The following UBE2E2 variants were observed in gnomAD, a reference collection of about 807,000 sequenced individuals.
The protein encoded by UBE2E2 is ubiquitin conjugating enzyme E2 E2.
In UBE2E2, 6 loss-of-function variants were observed where a neutral mutation model predicts 24.7. The observed-to-expected ratio is 0.24, with a 90% confidence interval of 0.13 to 0.48. The LOEUF is 0.48. Among genes scored for constraint, UBE2E2 ranks in the 20% least tolerant of loss-of-function variants. The probability of loss-of-function intolerance (pLI) is 0.99; values close to 1 mark genes in which losing one functional copy is unlikely to be tolerated. For missense variants in UBE2E2, 169 were observed against 245.0 expected, an observed-to-expected ratio of 0.69 and a Z score of 2.07; for synonymous variants, 104 against 83.6, an observed-to-expected ratio of 1.24 and a Z score of -1.33.
chr3:23,227,248 T>A (rs529159579), intron 3 of UBE2E2, among the ~76,000 whole-genome samples: 1 of 152,310 alleles, frequency 6.6e-6, no homozygotes, highest in South Asian at 2.1e-4. Context: ...ATTAATTGCA[T>A]TTTGTGTAGA....
chr3:23,354,522 C>A (rs932677892), intron 3 of UBE2E2, among the ~76,000 whole-genome samples: 8 of 152,132 alleles, frequency 5.3e-5, no homozygotes, highest in South Asian at 4.2e-4. Flanking sequence ...CAATGAACTC[C>A]AACAAATTTG....
At chr3:23,254,160 G>A (rs1367792023) in intron 3 of UBE2E2, among the ~76,000 whole-genome samples, 1 of 152,180 alleles carries the variant, frequency 6.6e-6, no homozygotes, top group African/African-American at 2.4e-5. Context: ...ATCTGGTGGT[G>A]GGAATGAATT....
rs141847726 is a variant in UBE2E2, at chr3:23,429,984, A to C, written c.228-69624A>C. ...CAGCCTCTGCCTCCCAGGTTCAAGCAATCCTCCCACCTCAGCCTCCCATGC... is the reference window on the plus strand; with the variant it reads ...CAGCCTCTGCCTCCCAGGTTCAAGCCATCCTCCCACCTCAGCCTCCCATGC... On this transcript the variant is annotated intron_variant, in intron 3 of 5. Coordinates refer to ENST00000396703, the MANE Select transcript of UBE2E2 (RefSeq NM_152653.4). Among the ~76,000 whole-genome samples the C allele has an allele frequency of 6.2e-3, 946 of 152,232 alleles. 6 individuals carry two copies. The highest frequency in any genetic ancestry group is 0.021 in the African/African-American group (866 of 41,540).
In UBE2E2 at chr3:23,256,806, G is replaced by A. The variant is rs544659540; in HGVS notation, c.227+39494G>A. Among the ~76,000 whole-genome samples the A allele has an allele frequency of 5.9e-5, 9 of 152,132 alleles. No homozygotes were observed. The East Asian group carries it at 1.7e-3, about 29-fold the overall frequency. On this transcript the variant is annotated intron_variant, in intron 3 of 5. Transcript: ENST00000396703. Reference sequence around the variant, plus strand: ...TGCATGCGTCCTTGCTCTCACACACGCACATATAAAATCACTTTGTCCTTA... The same window carrying A: ...TGCATGCGTCCTTGCTCTCACACACACACATATAAAATCACTTTGTCCTTA...
At chr3:23,448,537 T>G (rs981951996) in intron 3 of UBE2E2, among the ~76,000 whole-genome samples, 2 of 152,186 alleles carry the variant, frequency 1.3e-5, no homozygotes, top group Admixed American at 6.5e-5. Flanking sequence ...GGGAATGATA[T>G]TAGTTCCTGT....
intron 3 of UBE2E2, among the ~76,000 whole-genome samples, chr3:23,439,681 A>G (rs1575630133): frequency 1.3e-5 from 2 of 152,220 alleles, no homozygotes; most frequent in East Asian, 1.9e-4. Context: ...CCCACATCTT[A>G]TAACAATGGA....
chr3:23,533,221 A>C (rs1431379831), intron 5 of UBE2E2, among the ~76,000 whole-genome samples: 1 of 152,216 alleles, frequency 6.6e-6, no homozygotes, highest in African/African-American at 2.4e-5. Flanking sequence ...TACACCTCCC[A>C]AGAAAACGAA....
rs183345566 is a variant in UBE2E2, at chr3:23,556,392, C to T, written c.508+23691C>T. On this transcript the variant is annotated intron_variant, in intron 5 of 5. Coordinates refer to ENST00000396703, the MANE Select transcript of UBE2E2 (RefSeq NM_152653.4). ...TCTTGACCTCATGATCCACCCGCCTCGACCTCCCAAAGTGCTGGGATTACA... is the reference window on the plus strand; with the variant it reads ...TCTTGACCTCATGATCCACCCGCCTTGACCTCCCAAAGTGCTGGGATTACA... Among the ~76,000 whole-genome samples the T allele has an allele frequency of 8.2e-3, 1,161 of 140,940 alleles. 7 individuals carry two copies. The highest frequency in any genetic ancestry group is 0.02 in the Middle Eastern group (5 of 244). 92.5% of individuals were successfully genotyped at this position (140,940 alleles called of 152,430 possible).
intron 3 of UBE2E2, among the ~76,000 whole-genome samples, chr3:23,277,028 A>G (rs1698388392): frequency 6.6e-6 from 1 of 152,196 alleles, no homozygotes. Context: ...TTTCGTGTAC[A>G]TGCTTCTGAT....
chr3:23,553,186 G>T (rs895119321), intron 5 of UBE2E2, among the ~76,000 whole-genome samples: 13 of 151,954 alleles, frequency 8.6e-5, no homozygotes, highest in Admixed American at 7.9e-4. Flanking sequence ...GATTTTCATT[G>T]TTAATATAGC....
chr3:23,203,552 G>T, intron 1 of UBE2E2, 88 bp downstream of exon 1: 2 of 797,934 alleles, frequency 2.5e-6, no homozygotes, highest in Non-Finnish European at 2.9e-6. Context: ...CCTCCCCTCC[G>T]CGTCGCAGGT....
intron 3 of UBE2E2, among the ~76,000 whole-genome samples, chr3:23,337,263 G>A (rs1695237595): frequency 6.6e-6 from 1 of 152,120 alleles, no homozygotes; most frequent in African/African-American, 2.4e-5. Context: ...TATAGAAAGT[G>A]TAGTTTCTAT....
At chr3:23,371,805 A>T (rs933601947) in intron 3 of UBE2E2, among the ~76,000 whole-genome samples, 1 of 152,116 alleles carries the variant, frequency 6.6e-6, no homozygotes, top group Non-Finnish European at 1.5e-5. Flanking sequence ...TGCTGATTAC[A>T]TGGGTGTATT....
chr3:23,261,713 T>C (rs917334228), intron 3 of UBE2E2, among the ~76,000 whole-genome samples: 1 of 152,222 alleles, frequency 6.6e-6, no homozygotes, highest in African/African-American at 2.4e-5. Context: ...AGTGAAATCA[T>C]ACAGCATTTG....
intron 3 of UBE2E2, among the ~76,000 whole-genome samples, chr3:23,297,480 T>G (rs569794647): frequency 5.6e-4 from 86 of 152,308 alleles, no homozygotes; most frequent in African/African-American, 2.0e-3. Flanking sequence ...TTGAATTAAT[T>G]TTTGTATAAG....
intron 3 of UBE2E2, among the ~76,000 whole-genome samples, chr3:23,478,197 T>G (rs766989161): frequency 3.3e-5 from 5 of 152,242 alleles, no homozygotes; most frequent in Admixed American, 6.5e-5. Flanking sequence ...ATTTATTATG[T>G]GGCAGACATC....
At chr3:23,293,080 A>G (rs940515746) in intron 3 of UBE2E2, among the ~76,000 whole-genome samples, 1 of 152,262 alleles carries the variant, frequency 6.6e-6, no homozygotes, top group Non-Finnish European at 1.5e-5. Flanking sequence ...TCTCAAAAAA[A>G]TCAGGATAAT....
At chr3:23,531,690 G>A (rs1285063290) in intron 4 of UBE2E2, among the ~76,000 whole-genome samples, 6 of 152,146 alleles carry the variant, frequency 3.9e-5, no homozygotes, top group Non-Finnish European at 8.8e-5. Context: ...ATAGTAAATT[G>A]TAACTACTAT....
At chr3:23,481,511 CTTT>C (rs1424888329) in intron 3 of UBE2E2, among the ~76,000 whole-genome samples, 1 of 152,154 alleles carries the variant, frequency 6.6e-6, no homozygotes, top group Non-Finnish European at 1.5e-5. Flanking sequence ...TACAATTAGC[CTTT>C]TTAATGCTTA....
Sources: gnomAD v4.1 joint callset for allele counts (sites outside exome capture counted in the v4.1 genomes callset) on GRCh38, gnomAD v4.1.1 for gene constraint, MANE v1.5 for transcripts, NCBI Gene and HGNC (gene_info 2026-07-23, HGNC 2026-07-21) for gene names.